Variants in ARK2N observed in about 807,000 individuals in gnomAD.
The protein encoded by ARK2N is arkadia (RNF111) N-terminal like PKA signaling regulator 2N.
chr18:46,179,901 A>G, the ARK2N span, among the ~76,000 whole-genome samples: 3 of 152,336 alleles, frequency 2.0e-5, no homozygotes, highest in African/African-American at 7.2e-5. Context: ...CTGGGATTAC[A>G]GGTGTGAGCC....
chr18:46,262,314 A>G, the ARK2N span, among the ~76,000 whole-genome samples: 1 of 152,190 alleles, frequency 6.6e-6, no homozygotes, highest in Non-Finnish European at 1.5e-5. Flanking sequence ...CTGAAGATTC[A>G]GCTGTGTTAC....
chr18:46,186,912 T>C, the ARK2N span, among the ~76,000 whole-genome samples: 1 of 151,246 alleles, frequency 6.6e-6, no homozygotes, highest in Non-Finnish European at 1.5e-5. Context: ...TGGAGTGCAG[T>C]GGTATGATCT....
chr18:46,240,836 A>G, the ARK2N span, among the ~76,000 whole-genome samples: 4 of 152,228 alleles, frequency 2.6e-5, no homozygotes, highest in African/African-American at 4.8e-5. Flanking sequence ...AACTTTCACA[A>G]TACCTCCAAG....
At chr18:46,205,704 C>T in the ARK2N span, among the ~76,000 whole-genome samples, 6 of 151,968 alleles carry the variant, frequency 3.9e-5, no homozygotes, top group Non-Finnish European at 8.8e-5. Flanking sequence ...TTTTTGAGAC[C>T]TGTGGGTTGT....
the ARK2N span, among the ~76,000 whole-genome samples, chr18:46,206,730 T>C: frequency 6.6e-6 from 1 of 152,148 alleles, no homozygotes; most frequent in Non-Finnish European, 1.5e-5. Flanking sequence ...TAGTACCTTT[T>C]AACCCACTTC....
chr18:46,180,545 A>G, the ARK2N span, among the ~76,000 whole-genome samples: 1,516 of 152,306 alleles, frequency 1.0e-2, 27 homozygotes, highest in African/African-American at 0.034. Flanking sequence ...TGTCTCTACT[A>G]AAAATACAAA....
chr18:46,259,882 C>CGTGTGTGTGTGTGTGTGTGTGTGTGTGT, the ARK2N span, among the ~76,000 whole-genome samples: 2 of 39,322 alleles, frequency 5.1e-5, no homozygotes, highest in East Asian at 5.5e-4. Flanking sequence ...GTGATCCTCC[C>CGTGTGTGTGTGTGTGTGTGTGTGTGTGT]GTCTGTGTGT....
the ARK2N span, among the ~76,000 whole-genome samples, chr18:46,183,063 C>T: frequency 7.3e-5 from 11 of 151,260 alleles, no homozygotes; most frequent in African/African-American, 9.7e-5. Context: ...GAAAGAAAAC[C>T]GAAAAACTTA....
At chr18:46,188,748 C>T in the ARK2N span, among the ~76,000 whole-genome samples, 1 of 152,182 alleles carries the variant, frequency 6.6e-6, no homozygotes, top group African/African-American at 2.4e-5. Flanking sequence ...CGCAGTGGCT[C>T]ATGCCTATAG....
the ARK2N span, among the ~76,000 whole-genome samples, chr18:46,195,559 CTTTTTTTTTTTTTTTTTT>C: frequency 1.4e-5 from 1 of 72,674 alleles, no homozygotes; most frequent in African/African-American, 6.2e-5. Flanking sequence ...CCCACATAAA[CTTTTTTTTTTTTTTTTTT>C]TTTTTTTTTT....
chr18:46,192,268 A>G, the ARK2N span, among the ~76,000 whole-genome samples: 1 of 152,156 alleles, frequency 6.6e-6, no homozygotes, highest in Non-Finnish European at 1.5e-5. Flanking sequence ...TGTAGAGCAG[A>G]GAGTGATTAA....
chr18:46,218,679 A>G, the ARK2N span: 3 of 152,372 alleles, frequency 2.0e-5, no homozygotes, highest in Non-Finnish European at 2.9e-5. Context: ...ACAGTGATGT[A>G]TCTTTCAGTT....
chr18:46,245,457 G>A, the ARK2N span, among the ~76,000 whole-genome samples: 1 of 151,816 alleles, frequency 6.6e-6, no homozygotes, highest in Non-Finnish European at 1.5e-5. Context: ...TGTAGTCGCA[G>A]CTACTTGGGA....
At chr18:46,245,627 T>G in the ARK2N span, among the ~76,000 whole-genome samples, 3 of 151,974 alleles carry the variant, frequency 2.0e-5, no homozygotes, top group African/African-American at 7.2e-5. Flanking sequence ...TTTGCTGTTT[T>G]TAAAGCTAAA....
the ARK2N span, among the ~76,000 whole-genome samples, chr18:46,202,808 A>T: frequency 6.8e-6 from 1 of 146,714 alleles, no homozygotes; most frequent in Admixed American, 6.7e-5. Context: ...AAATTAAAAA[A>T]AAAAAAAAGA....
the ARK2N span, among the ~76,000 whole-genome samples, chr18:46,185,170 T>C: frequency 5.3e-5 from 8 of 152,206 alleles, no homozygotes; most frequent in South Asian, 2.1e-4. Flanking sequence ...TCAACAAATA[T>C]CAGATATTGA....
the ARK2N span, among the ~76,000 whole-genome samples, chr18:46,192,768 C>T: frequency 6.6e-6 from 1 of 151,420 alleles, no homozygotes; most frequent in Admixed American, 6.6e-5. Context: ...TGGGGTTTCA[C>T]TATGTTGGCC....
chr18:46,252,786 A>G, the ARK2N span, among the ~76,000 whole-genome samples: 4 of 152,358 alleles, frequency 2.6e-5, no homozygotes, highest in African/African-American at 9.6e-5. Flanking sequence ...GAGCTGGTAC[A>G]TAGGCCGAAT....
the ARK2N span, chr18:46,253,761 A>T: frequency 6.2e-7 from 1 of 1,613,654 alleles, no homozygotes; most frequent in South Asian, 1.1e-5. Flanking sequence ...CACTCAATGA[A>T]GAAATTAACA....
Sources: allele counts gnomAD v4.1 joint callset (sites outside exome capture counted in the v4.1 genomes callset), GRCh38; gene constraint gnomAD v4.1.1; transcripts MANE v1.5; gene names NCBI Gene and HGNC (gene_info 2026-07-23, HGNC 2026-07-21).